ARRB1: variants seen among roughly 807,000 people sequenced by gnomAD.
ARRB1 encodes the protein beta-arrestin-1.
ARRB1 carries 21 observed loss-of-function variants against 56.8 expected under a neutral mutation model. The observed-to-expected ratio is 0.37, with a 90% confidence interval of 0.26 to 0.53. The LOEUF (loss-of-function observed/expected upper bound fraction) is 0.53. Among genes scored for constraint, ARRB1 ranks in the 20% least tolerant of loss-of-function variants. ARRB1 has a pLI of 0.88. For missense variants in ARRB1, 424 were observed against 553.7 expected (o/e 0.77, Z 2.35); for synonymous variants, 210 against 218.6 (o/e 0.96, Z 0.35).
intron 1 of ARRB1, among the ~76,000 whole-genome samples, chr11:75,329,558 G>A (rs900666378): frequency 1.4e-4 from 21 of 152,182 alleles, no homozygotes; most frequent in African/African-American, 4.6e-4. Flanking sequence ...GTCTCTTTGT[G>A]TAAGATGGTG....
intron 1 of ARRB1, among the ~76,000 whole-genome samples, chr11:75,330,556 C>G (rs553418507): frequency 1.3e-5 from 2 of 152,188 alleles, no homozygotes; most frequent in South Asian, 4.1e-4. Context: ...TAAACTCTGC[C>G]GAAGAAATAT....
intron 1 of ARRB1, among the ~76,000 whole-genome samples, chr11:75,351,138 G>C (rs148983627): frequency 2.6e-5 from 4 of 152,228 alleles, no homozygotes; most frequent in African/African-American, 9.6e-5. Flanking sequence ...GTTGGATTGT[G>C]AGCTGTGCAT....
At chr11:75,311,239 G>A (rs2140482315) in intron 1 of ARRB1, among the ~76,000 whole-genome samples, 1 of 152,298 alleles carries the variant, frequency 6.6e-6, no homozygotes, top group African/African-American at 2.4e-5. Context: ...GGGAAGCTGG[G>A]GCAGGAGAAT....
chr11:75,273,993 T>G (rs1946134894), intron 11 of ARRB1, 81 bp downstream of exon 11: 3 of 1,595,304 alleles, frequency 1.9e-6, no homozygotes, highest in Non-Finnish European at 2.6e-6. Context: ...GCCTTGTCTT[T>G]GAACTGGGGG....
chr11:75,274,215 G>C lies in ARRB1; in HGVS notation c.777-4C>G. 6.2e-7 allele frequency: 1 copy of C among 1,613,898 alleles called. No homozygotes were observed. Among genetic ancestry groups the C allele is most frequent in the East Asian group, 2.2e-5 (1 of 44,852 alleles). Reference sequence around the variant, plus strand: ...CGAGCTGGGTGCCACAGTGTCACTGGGAAGAAAGGAAGCAGCTGTGGAGAT... The same window carrying C: ...CGAGCTGGGTGCCACAGTGTCACTGCGAAGAAAGGAAGCAGCTGTGGAGAT... On this transcript the variant is annotated splice_polypyrimidine_tract_variant and splice_region_variant and intron_variant, in intron 10 of 15. Transcript: ENST00000420843.
At chr11:75,336,033 C>T (rs935469543) in intron 1 of ARRB1, among the ~76,000 whole-genome samples, 1 of 152,172 alleles carries the variant, frequency 6.6e-6, no homozygotes, top group African/African-American at 2.4e-5. Context: ...GGGGCTGGGC[C>T]TGAGAATGAG....
chr11:75,275,034 G>C (rs1459071471), intron 10 of ARRB1: 1 of 151,924 alleles, frequency 6.6e-6, no homozygotes, highest in South Asian at 2.1e-4. Flanking sequence ...CCAGGAGTTC[G>C]AGGCTGGCTG....
At chr11:75,293,017 A>T (rs1218139081) in intron 1 of ARRB1, among the ~76,000 whole-genome samples, 1 of 151,952 alleles carries the variant, frequency 6.6e-6, no homozygotes, top group African/African-American at 2.4e-5. Context: ...GGGTGTTTTC[A>T]TCAACATCGG....
At chr11:75,302,657 G>A (rs973563677) in intron 1 of ARRB1, among the ~76,000 whole-genome samples, 41 of 152,180 alleles carry the variant, frequency 2.7e-4, no homozygotes, top group African/African-American at 9.2e-4. Context: ...TCCTCTGGAA[G>A]GCTCAGCTTC....
At chr11:75,323,107 T>C (rs1474029543) in intron 1 of ARRB1, among the ~76,000 whole-genome samples, 1 of 152,156 alleles carries the variant, frequency 6.6e-6, no homozygotes, top group Non-Finnish European at 1.5e-5. Context: ...ATAAAATCAA[T>C]AGGTCTTGCT....
At chr11:75,314,545 C>T (rs1052160704) in intron 1 of ARRB1, among the ~76,000 whole-genome samples, 2 of 152,184 alleles carry the variant, frequency 1.3e-5, no homozygotes, top group African/African-American at 4.8e-5. Flanking sequence ...ATGGTTAAGG[C>T]TTTGGGATCT....
rs966404644 is a variant in ARRB1 at position 75,263,205 on chromosome 11, G to T, written c.*2958C>A. Among the ~76,000 whole-genome samples the T allele has an allele frequency of 3.3e-5, 5 of 152,222 alleles. No homozygotes were observed. Among genetic ancestry groups the T allele is most frequent in the African/African-American group, 1.2e-4 (5 of 41,456 alleles). On this transcript the variant is annotated 3_prime_UTR_variant, in exon 16 of 16. Transcript: ENST00000420843. ...TTCACTTCAAGGTATCACCTGGGCAGGCTGACTCCAGAAAGGAAAGGGGCC... is the reference window on the plus strand; with the variant it reads ...TTCACTTCAAGGTATCACCTGGGCATGCTGACTCCAGAAAGGAAAGGGGCC...
chr11:75,307,396 A>AT (rs1303569497), intron 1 of ARRB1, among the ~76,000 whole-genome samples: 1 of 152,136 alleles, frequency 6.6e-6, no homozygotes. Context: ...GTGGCCATGG[A>AT]TCCCCCATCA....
intron 1 of ARRB1, among the ~76,000 whole-genome samples, chr11:75,314,648 T>C (rs918706630): frequency 2.0e-5 from 3 of 152,094 alleles, no homozygotes; most frequent in Admixed American, 2.0e-4. Flanking sequence ...TTGCCCAGGC[T>C]GGAGTGCAGT....
chr11:75,301,896 G>A lies in ARRB1; in HGVS notation c.21-11857C>T, dbSNP rs188048946. ...CTCAGGACAGCCCAGGAGGGGGAAG[G>A]AGGCAGGAAGGCAAGAAATGTCACC... On this transcript the variant is annotated intron_variant, in intron 1 of 15. Coordinates refer to ENST00000420843, the MANE Select transcript of ARRB1 (RefSeq NM_004041.5). Among the ~76,000 whole-genome samples, 689 of 152,312 alleles carry A rather than the reference G, an allele frequency of 4.5e-3. 4 individuals are homozygous for A. Among genetic ancestry groups the A allele is most frequent in the African/African-American group, 0.016 (650 of 41,564 alleles).
chr11:75,343,413 A>G (rs960333072), intron 1 of ARRB1, among the ~76,000 whole-genome samples: 1 of 152,160 alleles, frequency 6.6e-6, no homozygotes, highest in African/African-American at 2.4e-5. Context: ...TGAATCAAAC[A>G]GGGTCCTTCC....
chr11:75,317,393 T>C (rs1210200413), intron 1 of ARRB1, among the ~76,000 whole-genome samples: 2 of 152,098 alleles, frequency 1.3e-5, no homozygotes, highest in Non-Finnish European at 2.9e-5. Context: ...AAATAACACA[T>C]AGCAGTGCTG....
intron 1 of ARRB1, among the ~76,000 whole-genome samples, chr11:75,351,281 G>A (rs1947846573): frequency 6.6e-6 from 1 of 152,234 alleles, no homozygotes; most frequent in Admixed American, 6.5e-5. Flanking sequence ...GTGTGCCCGT[G>A]CGTGTATTGT....
At chr11:75,342,535 C>T (rs185602840) in intron 1 of ARRB1, among the ~76,000 whole-genome samples, 56 of 152,256 alleles carry the variant, frequency 3.7e-4, no homozygotes, top group African/African-American at 1.3e-3. Context: ...CCTTGATCAC[C>T]GGTGGGTCAT....
Sources: allele counts gnomAD v4.1 joint callset (sites outside exome capture counted in the v4.1 genomes callset), GRCh38; gene constraint gnomAD v4.1.1; transcripts MANE v1.5; gene names NCBI Gene and HGNC (gene_info 2026-07-23, HGNC 2026-07-21).